The following HIVEP3 variants were observed in gnomAD, a reference collection of about 807,000 sequenced individuals.
The protein encoded by HIVEP3 is transcription factor HIVEP3.
A neutral mutation model predicts 152.8 loss-of-function variants in HIVEP3; 49 were observed. The observed-to-expected ratio is 0.32, with a 90% CI of 0.26 to 0.41. The LOEUF (loss-of-function observed/expected upper bound fraction) is 0.41. Ranked by LOEUF, HIVEP3 falls within the 10% of genes least tolerant of loss-of-function variation. HIVEP3 has a pLI of 1.00. For missense variants in HIVEP3, 2,790 were observed against 3,103.3 expected (o/e 0.90, Z 2.40); for synonymous variants, 1,269 against 1,289.0 (o/e 0.98, Z 0.33).
intron 2 of HIVEP3, among the ~76,000 whole-genome samples, chr1:41,667,677 T>C (rs898536657): frequency 6.6e-6 from 1 of 152,230 alleles, no homozygotes; most frequent in Non-Finnish European, 1.5e-5. Context: ...TGTGGGTGCA[T>C]GTCCTGGTCC....
At chr1:41,854,287 G>T (rs939239865) in intron 1 of HIVEP3, among the ~76,000 whole-genome samples, 1 of 152,148 alleles carries the variant, frequency 6.6e-6, no homozygotes, top group African/African-American at 2.4e-5. Context: ...GCCTGCTAAG[G>T]GGCTGACTGC....
intron 1 of HIVEP3, among the ~76,000 whole-genome samples, chr1:41,937,784 T>A (rs1645026997): frequency 6.6e-6 from 1 of 152,204 alleles, no homozygotes; most frequent in African/African-American, 2.4e-5. Flanking sequence ...TTAAGAAAGT[T>A]CTGATTGGAC....
At chr1:41,637,373 G>A (rs762016718) in intron 2 of HIVEP3, among the ~76,000 whole-genome samples, 16 of 152,198 alleles carry the variant, frequency 1.1e-4, no homozygotes, top group Non-Finnish European at 2.4e-4. Context: ...GAGATTCATT[G>A]TGGCTTTGTC....
At position 41,571,681 on chromosome 1, in the gene HIVEP3, C is replaced by T. The variant is rs1033638548; in HGVS notation, c.5207+3863G>A. Among the ~76,000 whole-genome samples, 3 of 152,220 alleles carry T rather than the reference C, an allele frequency of 2.0e-5. No individual in the cohort carries two copies. The East Asian group carries it at 5.8e-4, about 29-fold the overall frequency. Reference sequence around the variant, plus strand: ...ACAGAGTGTGGAGGGATTTGGGAGGCTCGTTAGAGGAGCAGGGCTGAGTAT... The same window carrying T: ...ACAGAGTGTGGAGGGATTTGGGAGGTTCGTTAGAGGAGCAGGGCTGAGTAT... On this transcript the variant is annotated intron_variant, in intron 5 of 8. Transcript: ENST00000372583.
At chr1:41,757,747 C>G (rs994685377) in intron 1 of HIVEP3, among the ~76,000 whole-genome samples, 22 of 85,896 alleles carry the variant, frequency 2.6e-4, no homozygotes, top group African/African-American at 6.5e-4. Flanking sequence ...GAGTTTCACT[C>G]CTGTTGCCCT....
intron 5 of HIVEP3, among the ~76,000 whole-genome samples, chr1:41,552,606 C>T (rs1298501283): frequency 1.3e-5 from 2 of 148,230 alleles, no homozygotes; most frequent in Admixed American, 6.7e-5. Context: ...TTTTCTTAAT[C>T]CAGTCTATCA....
chr1:41,561,883 G>C (rs983765227), intron 5 of HIVEP3, among the ~76,000 whole-genome samples: 1 of 152,120 alleles, frequency 6.6e-6, no homozygotes, highest in Non-Finnish European at 1.5e-5. Flanking sequence ...TCTCTTCTAT[G>C]ATGTGCCGTC....
chr1:41,685,009 T>C (rs1314954271), intron 2 of HIVEP3, among the ~76,000 whole-genome samples: 1 of 152,220 alleles, frequency 6.6e-6, no homozygotes, highest in Non-Finnish European at 1.5e-5. Context: ...CGTGCTTGTG[T>C]GGACAGGGCC....
At chr1:42,032,958 A>G (rs897280308) in intron 1 of HIVEP3, among the ~76,000 whole-genome samples, 1 of 152,072 alleles carries the variant, frequency 6.6e-6, no homozygotes, top group African/African-American at 2.4e-5. Context: ...ACCAGATACA[A>G]TCCTGTCTTC....
rs1192860737 is a variant in HIVEP3 at position 41,584,349 on chromosome 1, G to A, written c.449C>T (p.Ser150Phe). Residue 150 changes from serine to phenylalanine, a missense_variant, in exon 4 of 9, where the codon TCC (serine) becomes TTC (phenylalanine). Physicochemically the swap from Ser to Phe is radical, Grantham distance 155. This residue lies in a region of HIVEP3 where 209 missense variants were observed against 237.0 expected (regional missense o/e 0.88). Transcript: ENST00000372583. The surrounding 1 kb of genome is among the most constrained non-coding windows in gnomAD (Gnocchi z 5.2). ...AGGAAGGTCCTCGGGGGGAATGATG[G>A]AAGCGTGGGAAGGAAGGAGCTGGCT... ...PQSQLLPSHA[S>F]IIPPEDLPGV... 1 of 1,613,898 alleles carries A rather than the reference G, an allele frequency of 6.2e-7. No individual in the cohort carries two copies. The highest frequency in any genetic ancestry group is 1.7e-5 in the Admixed American group (1 of 60,000).
At chr1:41,551,515 T>C (rs767239881) in intron 5 of HIVEP3, among the ~76,000 whole-genome samples, 14 of 152,118 alleles carry the variant, frequency 9.2e-5, no homozygotes, top group Non-Finnish European at 1.9e-4. Flanking sequence ...TCCTGGACTG[T>C]TTTTGGTTGG....
At chr1:41,734,094 A>C (rs1364416441) in intron 1 of HIVEP3, among the ~76,000 whole-genome samples, 2 of 147,746 alleles carry the variant, frequency 1.4e-5, no homozygotes, top group Non-Finnish European at 1.5e-5. Context: ...TTCCCACCTC[A>C]CCCCTCCTGG....
chr1:41,705,547 G>T (rs926055841), intron 1 of HIVEP3, among the ~76,000 whole-genome samples: 3 of 152,166 alleles, frequency 2.0e-5, no homozygotes, highest in Admixed American at 6.5e-5. Context: ...AGTGCAGACC[G>T]AGGCTCAAAA....
At chr1:41,671,836 T>G (rs1645881716) in intron 2 of HIVEP3, among the ~76,000 whole-genome samples, 2 of 152,146 alleles carry the variant, frequency 1.3e-5, no homozygotes, top group African/African-American at 2.4e-5. Context: ...AGTTTTGAGT[T>G]GGATTTTGAA....
chr1:41,757,938 C>A (rs1471057569), intron 1 of HIVEP3, among the ~76,000 whole-genome samples: 1 of 151,954 alleles, frequency 6.6e-6, no homozygotes, highest in Admixed American at 6.6e-5. Flanking sequence ...TCTTGAACTC[C>A]CGACCTCAGG....
At chr1:41,556,611 T>C (rs149200214) in intron 5 of HIVEP3, among the ~76,000 whole-genome samples, 152 of 152,376 alleles carry the variant, frequency 1.0e-3, no homozygotes, top group African/African-American at 3.1e-3. Context: ...ATAGTGTCCT[T>C]TAATGAATAA....
chr1:41,631,588 C>T (rs184276752), intron 2 of HIVEP3, among the ~76,000 whole-genome samples: 50 of 152,198 alleles, frequency 3.3e-4, no homozygotes, highest in South Asian at 2.9e-3. Context: ...TACAGGTCAC[C>T]GATGCCCCCC....
At chr1:41,904,436 C>T (rs1444590362) in intron 1 of HIVEP3, among the ~76,000 whole-genome samples, 1 of 152,190 alleles carries the variant, frequency 6.6e-6, no homozygotes, top group African/African-American at 2.4e-5. Flanking sequence ...CCAACAAAAT[C>T]AGAACCCCCT....
At chr1:41,974,330 A>G (rs1473284788) in intron 1 of HIVEP3, among the ~76,000 whole-genome samples, 1 of 152,022 alleles carries the variant, frequency 6.6e-6, no homozygotes, top group Non-Finnish European at 1.5e-5. Context: ...TCCTAGGAGC[A>G]GTTGGTTCTC....
Sources: allele counts gnomAD v4.1 joint callset (sites outside exome capture counted in the v4.1 genomes callset), GRCh38; gene constraint gnomAD v4.1.1; regional missense constraint gnomAD v4.1.1; non-coding constraint Gnocchi (gnomAD v3.1); transcripts MANE v1.5; gene names NCBI Gene and HGNC (gene_info 2026-07-23, HGNC 2026-07-21).